The following NBEAL1 variants were observed in gnomAD, a reference collection of about 807,000 sequenced individuals.
The protein encoded by NBEAL1 is neurobeachin-like protein 1.
NBEAL1 carries 273 observed loss-of-function variants against 351.3 expected under a neutral mutation model. The observed-to-expected ratio is 0.78, with a 90% CI of 0.70 to 0.86. The LOEUF is 0.86. Among genes scored for constraint, NBEAL1 ranks in the 40% least tolerant of loss-of-function variants. The pLI, the probability that NBEAL1 is intolerant of heterozygous loss-of-function variation, is 0.00. For missense variants in NBEAL1, 2,961 were observed against 3,201.3 expected (o/e 0.92, Z 1.81); for synonymous variants, 1,050 against 1,086.4 (o/e 0.97, Z 0.66).
At chr2:203,073,861 A>C (rs888931293) in intron 7 of NBEAL1, among the ~76,000 whole-genome samples, 1 of 152,192 alleles carries the variant, frequency 6.6e-6, no homozygotes, top group African/African-American at 2.4e-5. Context: ...ATGAACATGA[A>C]TCATTGCTTT....
intron 39 of NBEAL1, among the ~76,000 whole-genome samples, chr2:203,171,050 A>C (rs1291729637): frequency 6.6e-6 from 1 of 152,160 alleles, no homozygotes; most frequent in Non-Finnish European, 1.5e-5. Context: ...TGAGGTCAAG[A>C]GTTCGAGACC....
At chr2:203,171,867 A>G in intron 39 of NBEAL1, 61 bp from the exon 40 acceptor site, 1 of 854,666 alleles carries the variant, frequency 1.2e-6, no homozygotes, top group Non-Finnish European at 1.8e-6. Context: ...AGTAATAGCT[A>G]CCAATGTCTA....
chr2:203,125,053 A>C (rs993191923), intron 19 of NBEAL1, among the ~76,000 whole-genome samples: 2 of 152,118 alleles, frequency 1.3e-5, no homozygotes, highest in African/African-American at 2.4e-5. Flanking sequence ...TGTTGGAGTT[A>C]CATTATAAAG....
chr2:203,136,036 A>C lies in NBEAL1; in HGVS notation c.4173A>C (p.Glu1391Asp), dbSNP rs199629992. The change falls in exon 28 of 56, where the codon GAA (glutamate) becomes GAC (aspartate). Residue 1391 changes from glutamate (E) to aspartate (D), a missense_variant. Coordinates refer to ENST00000683969, the MANE Select transcript of NBEAL1 (RefSeq NM_001378026.1). ...CTTTCAAATCAGAGAATCAAGAGGA[A>C]TTCTGGCATAGTAACCCTTCACATT... is the stretch of plus-strand genomic sequence containing the variant. ...ELSFKSENQE[E>D]FWHSNPSHLS... The C allele has an allele frequency of 3.1e-6, 5 of 1,613,670 alleles. No individual in the cohort carries two copies. Among genetic ancestry groups the C allele is most frequent in the Non-Finnish European group, 4.2e-6 (5 of 1,179,824 alleles).
At position 203,088,405 on chromosome 2, in the gene NBEAL1, CAAAT is replaced by C. The variant is rs149567043; in HGVS notation, c.1098+3840_1098+3843del. ...TACCCAGTACAGCAAAATCAACTATCAAATAAACCCCTCAGTGATGGGGTCACCA... is the reference window on the plus strand; with the variant it reads ...TACCCAGTACAGCAAAATCAACTATCAAACCCCTCAGTGATGGGGTCACCA... On this transcript the variant is annotated intron_variant, in intron 10 of 55. Transcript: ENST00000683969. Among the ~76,000 whole-genome samples the C allele has an allele frequency of 3.9e-3, 601 of 152,178 alleles. 4 individuals are homozygous for C. Among genetic ancestry groups the C allele is most frequent in the African/African-American group, 0.014 (571 of 41,522 alleles).
At chr2:203,120,872 G>A (rs904037682) in intron 18 of NBEAL1, among the ~76,000 whole-genome samples, 7 of 152,094 alleles carry the variant, frequency 4.6e-5, no homozygotes, top group Admixed American at 2.6e-4. Context: ...TGTCTGTCTC[G>A]GAGACGGATA....
At chr2:203,031,186 G>A (rs1406326877) in intron 2 of NBEAL1, among the ~76,000 whole-genome samples, 1 of 152,124 alleles carries the variant, frequency 6.6e-6, no homozygotes, top group African/African-American at 2.4e-5. Context: ...AGTTTCTCTT[G>A]TCTTCGTTTG....
At position 203,099,645 on chromosome 2, in the gene NBEAL1, T is replaced by A; in HGVS notation, c.1202T>A (p.Leu401Ter). ...CCTCAATAGGTGTTTCAGGGACAATTGGATTGTTTGGCCATATCAACCATT... is the reference window on the plus strand; with the variant it reads ...CCTCAATAGGTGTTTCAGGGACAATAGGATTGTTTGGCCATATCAACCATT... ...MNEDQVFQGQ[L>*]DCLAISTIQA... is the part of the protein sequence containing the mutation. Residue 401 changes from leucine (L) to a stop codon, truncating the protein, a stop_gained, in exon 12 of 56, where the codon TTG (leucine) becomes TAG (stop). Transcript: ENST00000683969. LOFTEE classifies it high-confidence loss of function. 6.5e-7 allele frequency: 1 copy of A among 1,550,000 alleles called. No homozygotes were observed. The highest frequency in any genetic ancestry group is 8.7e-7 in the Non-Finnish European group (1 of 1,146,134).
intron 10 of NBEAL1, among the ~76,000 whole-genome samples, chr2:203,090,065 A>C (rs983114659): frequency 6.6e-5 from 10 of 152,218 alleles, no homozygotes; most frequent in Admixed American, 6.5e-4. Flanking sequence ...GGCATATTGA[A>C]GTTTATTTTA....
At chr2:203,206,034 A>G (rs2065544338) in intron 51 of NBEAL1, among the ~76,000 whole-genome samples, 1 of 152,214 alleles carries the variant, frequency 6.6e-6, no homozygotes, top group Admixed American at 6.5e-5. Context: ...TGTGTATGCT[A>G]AAGACAAAGC....
At chr2:203,081,823 C>T (rs533455406) in intron 8 of NBEAL1, among the ~76,000 whole-genome samples, 9 of 152,286 alleles carry the variant, frequency 5.9e-5, no homozygotes, top group South Asian at 4.1e-4. Context: ...ATACTGAGGC[C>T]GGGCATGGTG....
rs1242571590 is a variant in NBEAL1 at position 203,219,015 on chromosome 2, T to C, written c.*1661T>C. The C allele has an allele frequency of 1.3e-5, 2 of 152,202 alleles. No homozygotes were observed. Among genetic ancestry groups the C allele is most frequent in the Non-Finnish European group, 2.9e-5 (2 of 68,038 alleles). 9.4% of individuals were successfully genotyped at this position (152,202 alleles called of 1,614,324 possible). On this transcript the variant is annotated 3_prime_UTR_variant, in exon 56 of 56. Coordinates refer to ENST00000683969, the MANE Select transcript of NBEAL1 (RefSeq NM_001378026.1). ...TCAGGAATTTGTATTGAACAAAGTC[T>C]CAAGTTAAGTAGCAATAATTATGAT...
At chr2:203,170,663 A>G (rs763503992) in intron 39 of NBEAL1, among the ~76,000 whole-genome samples, 2 of 152,144 alleles carry the variant, frequency 1.3e-5, no homozygotes, top group African/African-American at 2.4e-5. Flanking sequence ...AAACACATTA[A>G]TCTTTCTTAA....
At chr2:203,211,199 T>C in intron 54 of NBEAL1, 93 bp downstream of exon 54, 1 of 971,318 alleles carries the variant, frequency 1.0e-6, no homozygotes, top group Non-Finnish European at 1.4e-6. Flanking sequence ...TTTTAATCTT[T>C]TGGTTTATCA....
chr2:203,059,904 T>G (rs145215975), intron 6 of NBEAL1, among the ~76,000 whole-genome samples: 1 of 152,230 alleles, frequency 6.6e-6, no homozygotes, highest in African/African-American at 2.4e-5. Context: ...GCCTTTATAC[T>G]CATTAGCACT....
intron 12 of NBEAL1, among the ~76,000 whole-genome samples, chr2:203,100,348 T>A (rs1559365356): frequency 1.3e-5 from 2 of 152,204 alleles, no homozygotes; most frequent in Non-Finnish European, 2.9e-5. Flanking sequence ...ATGGCTGAGC[T>A]AATTTGCATC....
At chr2:203,015,667 T>C (rs2060667491) in intron 1 of NBEAL1, 1 of 152,440 alleles carries the variant, frequency 6.6e-6, no homozygotes, top group Non-Finnish European at 1.5e-5. Context: ...GTTCACTGTG[T>C]TGGCCAGGCT....
At chr2:203,192,288 T>G (rs2065113047) in intron 46 of NBEAL1, among the ~76,000 whole-genome samples, 1 of 152,178 alleles carries the variant, frequency 6.6e-6, no homozygotes, top group South Asian at 2.1e-4. Context: ...TTTCTTTTTG[T>G]TTTACAAGTG....
At chr2:203,183,012 T>G in intron 43 of NBEAL1, 1 of 213,514 alleles carries the variant, frequency 4.7e-6, no homozygotes, top group Non-Finnish European at 9.2e-6. Context: ...TAATTTTGCA[T>G]TTTGGTCTGA....
Sources: allele counts gnomAD v4.1 joint callset (sites outside exome capture counted in the v4.1 genomes callset), GRCh38; gene constraint gnomAD v4.1.1; transcripts MANE v1.5; gene names NCBI Gene and HGNC (gene_info 2026-07-23, HGNC 2026-07-21).